KLHL29: variants seen among roughly 807,000 people sequenced by gnomAD.
KLHL29 encodes the protein kelch like family member 29.
In KLHL29, 21 loss-of-function variants were observed where a neutral mutation model predicts 80.4. That is an observed-to-expected ratio of 0.26 (90% CI 0.19 to 0.38). The LOEUF (loss-of-function observed/expected upper bound fraction) is 0.38, where lower values mean the gene tolerates loss of function less well. Among genes scored for constraint, KLHL29 ranks in the 10% least tolerant of loss-of-function variants. KLHL29 has a pLI of 1.00. For missense variants in KLHL29, 867 were observed against 1,223.9 expected (o/e 0.71, Z 4.35); for synonymous variants, 511 against 526.8 (o/e 0.97, Z 0.41).
rs1003693691 is a variant in KLHL29, at chr2:23,706,739, C to T, written c.*75C>T. Reference sequence around the variant, plus strand: ...GTGCCACGCAATGATAATTTTCCAGCGACACCAACAAGAGGCCAACAAAAC... The same window carrying T: ...GTGCCACGCAATGATAATTTTCCAGTGACACCAACAAGAGGCCAACAAAAC... On this transcript the variant is annotated 3_prime_UTR_variant, in exon 14 of 14. Coordinates refer to ENST00000486442, the MANE Select transcript of KLHL29 (RefSeq NM_052920.2). 8.6e-5 allele frequency: 96 copies of T among 1,121,154 alleles called. No individual in the cohort carries two copies. Among genetic ancestry groups the T allele is most frequent in the Non-Finnish European group, 1.0e-4 (86 of 827,222 alleles). The allele number at this position is 1,121,154 out of a possible 1,614,324, so 69.5% of individuals were successfully genotyped here. A position where few individuals can be genotyped will look rare whatever the true frequency, so the allele number is the denominator to read the frequency against.
chr2:23,439,440 G>C (rs1418711032), intron 1 of KLHL29, among the ~76,000 whole-genome samples: 5 of 149,766 alleles, frequency 3.3e-5, no homozygotes, highest in Admixed American at 3.3e-4. Context: ...TTTCTCTTGT[G>C]GGCATTTAGT....
intron 1 of KLHL29, among the ~76,000 whole-genome samples, chr2:23,430,047 T>C (rs566829522): frequency 1.3e-5 from 2 of 152,320 alleles, no homozygotes; most frequent in South Asian, 4.2e-4. Flanking sequence ...TATATTCAGC[T>C]TGCTGGGGCT....
intron 1 of KLHL29, among the ~76,000 whole-genome samples, chr2:23,386,234 C>T (rs558052645): frequency 6.6e-6 from 1 of 152,086 alleles, no homozygotes; most frequent in Admixed American, 6.5e-5. Context: ...GGCGGCCGCG[C>T]GCACTGTCCT....
At chr2:23,450,077 A>T (rs1447724085) in intron 1 of KLHL29, among the ~76,000 whole-genome samples, 1 of 152,208 alleles carries the variant, frequency 6.6e-6, no homozygotes, top group Non-Finnish European at 1.5e-5. Context: ...CTCGATCGCC[A>T]ATTAAAAAGC....
intron 3 of KLHL29, among the ~76,000 whole-genome samples, chr2:23,575,587 C>T (rs1667823631): frequency 1.3e-5 from 2 of 152,248 alleles, no homozygotes; most frequent in Admixed American, 1.3e-4. Flanking sequence ...GGGGCCGTAA[C>T]TATCCTCATT....
chr2:23,510,685 G>A (rs747627885), intron 2 of KLHL29, among the ~76,000 whole-genome samples: 35 of 152,338 alleles, frequency 2.3e-4, no homozygotes, highest in Middle Eastern at 3.4e-3. Context: ...GTGAGTGGCT[G>A]GTGACAATGA....
chr2:23,570,727 C>T (rs1050951284), intron 3 of KLHL29, among the ~76,000 whole-genome samples: 4 of 152,216 alleles, frequency 2.6e-5, no homozygotes, highest in Non-Finnish European at 2.9e-5. Flanking sequence ...CTAAGACAGT[C>T]GGCTAGGGTA....
chr2:23,417,346 G>T (rs910594184), intron 1 of KLHL29, among the ~76,000 whole-genome samples: 1 of 152,176 alleles, frequency 6.6e-6, no homozygotes, highest in African/African-American at 2.4e-5. Context: ...TTTGTTGTGT[G>T]GCCATCATGT....
intron 1 of KLHL29, among the ~76,000 whole-genome samples, chr2:23,421,404 G>GCCTCT (rs548690870): frequency 2.0e-5 from 3 of 152,308 alleles, no homozygotes; most frequent in East Asian, 1.9e-4. Context: ...GGCCGTCTCT[G>GCCTCT]CCTCTCCTCT....
chr2:23,408,674 T>C (rs957788192), intron 1 of KLHL29, among the ~76,000 whole-genome samples: 1 of 152,228 alleles, frequency 6.6e-6, no homozygotes, highest in African/African-American at 2.4e-5. Flanking sequence ...GATGGAACTC[T>C]TTTTAAGGCC....
intron 3 of KLHL29, among the ~76,000 whole-genome samples, chr2:23,606,340 G>T (rs1431965290): frequency 6.6e-6 from 1 of 152,146 alleles, no homozygotes; most frequent in East Asian, 1.9e-4. Flanking sequence ...CCGCTCTGCT[G>T]CTGGGTGCAG....
At chr2:23,419,320 C>T (rs1206038323) in intron 1 of KLHL29, among the ~76,000 whole-genome samples, 1 of 152,196 alleles carries the variant, frequency 6.6e-6, no homozygotes, top group African/African-American at 2.4e-5. Context: ...ACCTCTGAGC[C>T]AGTGAAGGAG....
At chr2:23,661,301 C>T (rs932626489) in intron 5 of KLHL29, among the ~76,000 whole-genome samples, 3 of 149,618 alleles carry the variant, frequency 2.0e-5, no homozygotes, top group Non-Finnish European at 4.4e-5. Context: ...ATGATCTCAC[C>T]ACTGCACTCC....
At position 23,525,731 on chromosome 2, in the gene KLHL29, C is replaced by A. The variant is rs113154158; in HGVS notation, c.-45-36421C>A. ...CCGAGTGAGCCCCAGCCCCTGCCCC[C>A]CCCCCCCACCCGAGGCGAGCCAGCA... On this transcript the variant is annotated intron_variant, in intron 2 of 13. Coordinates refer to ENST00000486442, the MANE Select transcript of KLHL29 (RefSeq NM_052920.2). 3.5e-4 allele frequency among the ~76,000 whole-genome samples: 24 copies of A among 68,204 alleles called. No homozygotes were observed. In the South Asian group the frequency reaches 9.1e-3, roughly 26 times the overall value. The allele number at this position is 68,204 out of a possible 152,430, so 44.7% of individuals were successfully genotyped here. A position where few individuals can be genotyped will look rare whatever the true frequency, so the allele number is the denominator to read the frequency against.
At chr2:23,486,577 T>C (rs993851890) in intron 2 of KLHL29, among the ~76,000 whole-genome samples, 4 of 152,228 alleles carry the variant, frequency 2.6e-5, no homozygotes, top group African/African-American at 9.6e-5. Flanking sequence ...TCAGAAGTTA[T>C]GTCAGCATGT....
At chr2:23,599,944 C>T (rs1231683770) in intron 3 of KLHL29, among the ~76,000 whole-genome samples, 6 of 152,192 alleles carry the variant, frequency 3.9e-5, no homozygotes, top group African/African-American at 1.4e-4. Flanking sequence ...ACCCCAAAGG[C>T]CCAAGCCCCC....
chr2:23,612,944 G>C (rs1023059711), intron 3 of KLHL29, among the ~76,000 whole-genome samples: 1 of 152,060 alleles, frequency 6.6e-6, no homozygotes, highest in Non-Finnish European at 1.5e-5. Flanking sequence ...AACATATATA[G>C]AGAGAAATAA....
chr2:23,462,925 G>A (rs752215905), intron 1 of KLHL29, among the ~76,000 whole-genome samples: 39 of 152,188 alleles, frequency 2.6e-4, no homozygotes, highest in African/African-American at 7.5e-4. Flanking sequence ...GCTTGAGCCC[G>A]GGAGTTCGAG....
chr2:23,428,255 A>C (rs575884078), intron 1 of KLHL29, among the ~76,000 whole-genome samples: 1 of 152,282 alleles, frequency 6.6e-6, no homozygotes, highest in Admixed American at 6.5e-5. Flanking sequence ...AGGGGAGCTG[A>C]GTCACTCTGC....
Sources: gnomAD v4.1 joint callset for allele counts (sites outside exome capture counted in the v4.1 genomes callset) on GRCh38, gnomAD v4.1.1 for gene constraint, MANE v1.5 for transcripts, NCBI Gene and HGNC (gene_info 2026-07-23, HGNC 2026-07-21) for gene names.